The following SCD5 variants were observed in gnomAD, a reference collection of about 807,000 sequenced individuals.
The protein encoded by SCD5 is stearoyl-CoA desaturase 5.
SCD5 carries 20 observed loss-of-function variants against 30.4 expected under a neutral mutation model. The ratio of observed to expected loss-of-function variants is 0.66; its 90% confidence interval spans 0.46 to 0.96. The LOEUF is 0.96. Ranked by LOEUF, SCD5 falls within the 40% of genes least tolerant of loss-of-function variation. The probability of loss-of-function intolerance (pLI) is 0.00; values close to 1 mark genes in which losing one functional copy is unlikely to be tolerated. For synonymous variants in SCD5, 173 were observed against 176.4 expected, an observed-to-expected ratio of 0.98 and a Z score of 0.16; for missense variants, 381 against 443.3, an observed-to-expected ratio of 0.86 and a Z score of 1.26.
In SCD5 at chr4:82,633,922, C is replaced by T. The variant is rs547660979; in HGVS notation, c.803-2405G>A. 3.3e-5 allele frequency among the ~76,000 whole-genome samples: 5 copies of T among 152,298 alleles called. No homozygotes were observed. In the South Asian group the frequency reaches 8.3e-4, roughly 25 times the overall value. ...ACATGCCTTAGCCATCACCCCCAAC[C>T]GCCTCCTACTCCCTCCCAGTCCTGT... On this transcript the variant is annotated intron_variant, in intron 4 of 4. Transcript: ENST00000319540.
At chr4:82,754,764 T>C (rs1721197237) in intron 1 of SCD5, among the ~76,000 whole-genome samples, 1 of 152,236 alleles carries the variant, frequency 6.6e-6, no homozygotes, top group South Asian at 2.1e-4. Flanking sequence ...CATGCCAATC[T>C]ACAGACCTGC....
At chr4:82,763,567 CT>C in intron 1 of SCD5, among the ~76,000 whole-genome samples, 1 of 152,298 alleles carries the variant, frequency 6.6e-6, no homozygotes, top group East Asian at 1.9e-4. Context: ...CCCAATCTGA[CT>C]GGCATCATAA....
At chr4:82,661,681 T>C (rs1728011698) in intron 3 of SCD5, among the ~76,000 whole-genome samples, 2 of 152,234 alleles carry the variant, frequency 1.3e-5, no homozygotes, top group South Asian at 4.1e-4. Flanking sequence ...GCCTCTTGTT[T>C]AAACAAATTT....
chr4:82,730,130 G>A (rs1284382589), intron 1 of SCD5, among the ~76,000 whole-genome samples: 3 of 151,116 alleles, frequency 2.0e-5, no homozygotes, highest in Non-Finnish European at 2.9e-5. Context: ...TCTGTCTTTT[G>A]TCAATCTAAT....
At chr4:82,704,614 T>C (rs1372616562) in intron 2 of SCD5, among the ~76,000 whole-genome samples, 4 of 152,210 alleles carry the variant, frequency 2.6e-5, no homozygotes, top group Admixed American at 2.6e-4. Context: ...ACCCTGAGAA[T>C]GAAGTTTTGT....
At chr4:82,649,569 TAGA>T (rs1372512556) in intron 3 of SCD5, among the ~76,000 whole-genome samples, 73 of 152,278 alleles carry the variant, frequency 4.8e-4, no homozygotes, top group African/African-American at 1.3e-3. Context: ...GGATTCTGAA[TAGA>T]AGGTGAGCTG....
chr4:82,649,901 G>A (rs541235291), intron 3 of SCD5, among the ~76,000 whole-genome samples: 35 of 152,262 alleles, frequency 2.3e-4, no homozygotes, highest in African/African-American at 7.9e-4. Flanking sequence ...ATTACTGTTC[G>A]TCTGGCGTGA....
At chr4:82,716,187 C>T (rs559148774) in intron 1 of SCD5, among the ~76,000 whole-genome samples, 2 of 151,718 alleles carry the variant, frequency 1.3e-5, no homozygotes, top group Non-Finnish European at 2.9e-5. Flanking sequence ...GCTTCTCTTC[C>T]GGGTGTCGGG....
intron 1 of SCD5, among the ~76,000 whole-genome samples, chr4:82,716,375 C>A (rs1720226927): frequency 6.6e-6 from 1 of 151,804 alleles, no homozygotes; most frequent in African/African-American, 2.4e-5. Flanking sequence ...TATCTGTAAA[C>A]AAACAAACAA....
intron 1 of SCD5, chr4:82,775,938 T>A (rs534120135): frequency 6.6e-6 from 1 of 152,430 alleles, no homozygotes; most frequent in African/African-American, 2.4e-5. Flanking sequence ...TCGACGCCTA[T>A]GTGCTTTCTA....
intron 1 of SCD5, among the ~76,000 whole-genome samples, chr4:82,761,937 C>T (rs1331902999): frequency 6.6e-6 from 1 of 151,900 alleles, no homozygotes; most frequent in Non-Finnish European, 1.5e-5. Flanking sequence ...CTTTGGGAGG[C>T]CAAGGAGGGC....
rs550099237 is a variant in SCD5, at chr4:82,693,939, G to A, written c.363+11344C>T. 1.2e-3 allele frequency among the ~76,000 whole-genome samples: 179 copies of A among 152,340 alleles called. 1 individual carries two copies. The highest frequency in any genetic ancestry group is 4.1e-3 in the African/African-American group (169 of 41,588). Reference sequence around the variant, plus strand: ...GATGCCCATCGTCCAGGATACAGAGGTGGCCTCCAGTCACAAGAGGGAATG... The same window carrying A: ...GATGCCCATCGTCCAGGATACAGAGATGGCCTCCAGTCACAAGAGGGAATG... On this transcript the variant is annotated intron_variant, in intron 2 of 4. Transcript: ENST00000319540.
intron 1 of SCD5, among the ~76,000 whole-genome samples, chr4:82,728,521 A>T (rs138840027): frequency 0.1 from 15,468 of 152,168 alleles, 945 homozygotes; most frequent in African/African-American, 0.16. Flanking sequence ...TATAGATAAC[A>T]TCACTATTGT....
rs1480563369 is a variant in SCD5 at position 82,704,199 on chromosome 4, C to T, written c.363+1084G>A. On this transcript the variant is annotated intron_variant, in intron 2 of 4. Transcript: ENST00000319540. The stretch of plus-strand genomic sequence containing the variant: ...TACAAGAGCACTTAGTGAAATATTC[C>T]GCATCAGGTTGTCTCGTAGGAGTGG... Among the ~76,000 whole-genome samples, 7 of 152,088 alleles carry T rather than the reference C, an allele frequency of 4.6e-5. No homozygotes were observed. The East Asian group carries it at 5.8e-4, about 13-fold the overall frequency.
chr4:82,752,143 T>G (rs1404077046), intron 1 of SCD5, among the ~76,000 whole-genome samples: 3 of 152,116 alleles, frequency 2.0e-5, no homozygotes, highest in African/African-American at 7.2e-5. Flanking sequence ...GTATTTAACT[T>G]TAGTTAAATA....
chr4:82,767,015 A>G (rs537778730), intron 1 of SCD5, among the ~76,000 whole-genome samples: 1 of 152,106 alleles, frequency 6.6e-6, no homozygotes, highest in Non-Finnish European at 1.5e-5. Context: ...CTGAGGCAAT[A>G]TCCTTCTGAG....
intron 1 of SCD5, among the ~76,000 whole-genome samples, chr4:82,746,545 T>C (rs1272317581): frequency 6.6e-6 from 1 of 152,220 alleles, no homozygotes; most frequent in African/African-American, 2.4e-5. Flanking sequence ...TCTTGAAGCA[T>C]ATCAGCTGTA....
intron 1 of SCD5, among the ~76,000 whole-genome samples, chr4:82,709,168 G>C (rs1568930): frequency 0.57 from 87,054 of 152,188 alleles, 25,208 homozygotes; most frequent in East Asian, 0.83. Flanking sequence ...GAATGAATCA[G>C]GTCCTTTTAG....
At chr4:82,685,774 T>TTAATTTTAATAATA (rs1282601855) in intron 2 of SCD5, among the ~76,000 whole-genome samples, 5 of 151,804 alleles carry the variant, frequency 3.3e-5, no homozygotes, top group Admixed American at 6.6e-5. Flanking sequence ...ACAAGTAAAA[T>TTAATTTTAATAATA]TAATTTTAAT....
Sources: allele counts gnomAD v4.1 joint callset (sites outside exome capture counted in the v4.1 genomes callset), GRCh38; gene constraint gnomAD v4.1.1; transcripts MANE v1.5; gene names NCBI Gene and HGNC (gene_info 2026-07-23, HGNC 2026-07-21).